The following ASXL3 variants were observed in gnomAD, a reference collection of about 807,000 sequenced individuals.
ASXL3 encodes ASXL transcriptional regulator 3.
A neutral mutation model predicts 170.6 loss-of-function variants in ASXL3; 34 were observed. The ratio of observed to expected loss-of-function variants is 0.20; its 90% CI spans 0.15 to 0.27. The LOEUF (loss-of-function observed/expected upper bound fraction) is 0.27. ASXL3 is among the 10% of genes least tolerant of loss of function. The pLI, the probability that ASXL3 is intolerant of heterozygous loss-of-function variation, is 1.00. For synonymous variants in ASXL3, 1,002 were observed against 989.1 expected (o/e 1.01, Z -0.24); for missense variants, 2,592 against 2,695.3 (o/e 0.96, Z 0.85).
At chr18:33,677,043 C>A (rs2066441548) in intron 7 of ASXL3, among the ~76,000 whole-genome samples, 1 of 152,170 alleles carries the variant, frequency 6.6e-6, no homozygotes, top group South Asian at 2.1e-4. Context: ...CCTACCCAGT[C>A]ACATAGTAAG....
chr18:33,632,036 C>T (rs2065685287), intron 2 of ASXL3, among the ~76,000 whole-genome samples: 1 of 152,076 alleles, frequency 6.6e-6, no homozygotes, highest in Non-Finnish European at 1.5e-5. Flanking sequence ...TGATTTTTCT[C>T]ATCTTTTCTT....
intron 2 of ASXL3, among the ~76,000 whole-genome samples, chr18:33,613,416 T>C (rs2065369664): frequency 6.6e-6 from 1 of 152,100 alleles, no homozygotes; most frequent in South Asian, 2.1e-4. Context: ...TATAGTAGCA[T>C]TTCTTAATAA....
intron 5 of ASXL3, among the ~76,000 whole-genome samples, chr18:33,664,337 G>C (rs2066223024): frequency 6.6e-6 from 1 of 152,100 alleles, no homozygotes; most frequent in Admixed American, 6.6e-5. Context: ...ACGAATTTTT[G>C]ATGCTATCCA....
At chr18:33,620,529 C>G (rs563464570) in intron 2 of ASXL3, among the ~76,000 whole-genome samples, 5 of 152,094 alleles carry the variant, frequency 3.3e-5, no homozygotes, top group Admixed American at 2.6e-4. Flanking sequence ...TTACGGCTTA[C>G]TCTGTTTTTA....
chr18:33,615,720 A>G (rs551498454), intron 2 of ASXL3, among the ~76,000 whole-genome samples: 1 of 152,256 alleles, frequency 6.6e-6, no homozygotes, highest in African/African-American at 2.4e-5. Flanking sequence ...AGTCTTTTGT[A>G]TGTTTGATGA....
At chr18:33,666,942 T>C (rs1421947737) in intron 5 of ASXL3, among the ~76,000 whole-genome samples, 1 of 152,154 alleles carries the variant, frequency 6.6e-6, no homozygotes, top group East Asian at 1.9e-4. Flanking sequence ...GAGCAGGTGC[T>C]GAACAGCTAG....
intron 8 of ASXL3, among the ~76,000 whole-genome samples, chr18:33,709,054 G>A (rs752803711): frequency 1.3e-5 from 2 of 152,052 alleles, no homozygotes; most frequent in Non-Finnish European, 2.9e-5. Context: ...TAGTCATCAA[G>A]TAAACATAAA....
chr18:33,610,489 A>G (rs2065319101), intron 2 of ASXL3, among the ~76,000 whole-genome samples: 1 of 151,980 alleles, frequency 6.6e-6, no homozygotes, highest in African/African-American at 2.4e-5. Flanking sequence ...TCATCATTCC[A>G]ATCTGTACTC....
chr18:33,632,203 T>C (rs2065688529), intron 2 of ASXL3, among the ~76,000 whole-genome samples: 1 of 152,134 alleles, frequency 6.6e-6, no homozygotes, highest in Non-Finnish European at 1.5e-5. Flanking sequence ...AATTATATGC[T>C]GATGCTAGGG....
intron 7 of ASXL3, among the ~76,000 whole-genome samples, chr18:33,676,352 C>G (rs565470075): frequency 1.4e-4 from 21 of 149,230 alleles, no homozygotes; most frequent in African/African-American, 5.2e-4. Flanking sequence ...TTCTTTTGTT[C>G]TGTTTGTTTG....
At chr18:33,709,603 C>A (rs1237776725) in intron 8 of ASXL3, among the ~76,000 whole-genome samples, 1 of 152,132 alleles carries the variant, frequency 6.6e-6, no homozygotes, top group South Asian at 2.1e-4. Context: ...TGTTAGATTA[C>A]TCTTAGGGAT....
intron 7 of ASXL3, among the ~76,000 whole-genome samples, chr18:33,682,715 T>TA (rs1265275282): frequency 1.3e-5 from 2 of 151,952 alleles, no homozygotes; most frequent in African/African-American, 2.4e-5. Context: ...CCTGCCTAAT[T>TA]AAAAAAAATT....
At position 33,745,867 on chromosome 18, in the gene ASXL3, C is replaced by A; in HGVS notation, c.6019C>A (p.His2007Asn). Residue 2007 changes from histidine to asparagine, a missense_variant, in exon 12 of 12, where the codon CAC (histidine) becomes AAC (asparagine). Around this residue, in one of 4 missense-constraint regions of ASXL3, gnomAD observed 2,246 missense variants for 2,219.6 expected, o/e 1.01. Coordinates refer to ENST00000269197, the MANE Select transcript of ASXL3 (RefSeq NM_030632.3). ...AGGTGATGAGGTGGGAGGCACTGCACACACAATGCCAAACAAAGCACTAGT... is the reference window on the plus strand; with the variant it reads ...AGGTGATGAGGTGGGAGGCACTGCAAACACAATGCCAAACAAAGCACTAGT... ...KEGDEVGGTA[H>N]TMPNKALVHP... The A allele has an allele frequency of 6.2e-7, 1 of 1,613,774 alleles. No individual in the cohort carries two copies. Among genetic ancestry groups the A allele is most frequent in the Non-Finnish European group, 8.5e-7 (1 of 1,179,888 alleles).
At chr18:33,661,559 A>G in intron 4 of ASXL3, 57 bp from the exon 5 acceptor site, 2 of 1,506,614 alleles carry the variant, frequency 1.3e-6, no homozygotes, top group Non-Finnish European at 1.8e-6. Flanking sequence ...GTGTAATTAC[A>G]GTGGATATAA....
intron 2 of ASXL3, among the ~76,000 whole-genome samples, chr18:33,618,454 A>G (rs1412564722): frequency 6.6e-6 from 1 of 152,138 alleles, no homozygotes; most frequent in Non-Finnish European, 1.5e-5. Flanking sequence ...CATCACAGAA[A>G]TTAGAGGACC....
chr18:33,580,876 T>G (rs1444327600), intron 1 of ASXL3, among the ~76,000 whole-genome samples: 2 of 152,182 alleles, frequency 1.3e-5, no homozygotes, highest in Non-Finnish European at 2.9e-5. Context: ...TGTATAAATG[T>G]GTATGTATTC....
intron 8 of ASXL3, among the ~76,000 whole-genome samples, chr18:33,709,426 T>C (rs1216710076): frequency 6.6e-6 from 1 of 152,196 alleles, no homozygotes; most frequent in African/African-American, 2.4e-5. Context: ...TGCTGTATAG[T>C]ATTCCAGTGT....
intron 5 of ASXL3, among the ~76,000 whole-genome samples, chr18:33,662,903 C>G (rs1048022995): frequency 6.6e-6 from 1 of 152,160 alleles, no homozygotes; most frequent in African/African-American, 2.4e-5. Context: ...ACATCTCTAC[C>G]TATCTTCTCC....
intron 4 of ASXL3, among the ~76,000 whole-genome samples, chr18:33,652,248 G>A (rs1477429194): frequency 6.6e-6 from 1 of 151,974 alleles, no homozygotes; most frequent in East Asian, 1.9e-4. Context: ...GATATATCGT[G>A]AGTTTCCTAA....
Sources: gnomAD v4.1 joint callset for allele counts (sites outside exome capture counted in the v4.1 genomes callset) on GRCh38, gnomAD v4.1.1 for gene constraint, gnomAD v4.1.1 regional missense constraint, MANE v1.5 for transcripts, NCBI Gene and HGNC (gene_info 2026-07-23, HGNC 2026-07-21) for gene names.